The following ARPC1A variants were observed in gnomAD, a reference collection of about 807,000 sequenced individuals.
The protein encoded by ARPC1A is actin-related protein 2/3 complex subunit 1A.
In ARPC1A, 8 loss-of-function variants were observed where a neutral mutation model predicts 46.9. The ratio of observed to expected loss-of-function variants is 0.17; its 90% CI spans 0.10 to 0.31. ARPC1A has a LOEUF of 0.31. Ranked by LOEUF, ARPC1A falls within the 10% of genes least tolerant of loss-of-function variation. The pLI is 1.00. For missense variants in ARPC1A, 286 were observed against 483.6 expected (o/e 0.59, Z 3.83); for synonymous variants, 152 against 169.0 (o/e 0.90, Z 0.78).
chr7:99,330,372 T>C (rs1793126303), intron 1 of ARPC1A, among the ~76,000 whole-genome samples: 1 of 152,046 alleles, frequency 6.6e-6, no homozygotes, highest in Non-Finnish European at 1.5e-5. Flanking sequence ...TGCAGTGCAG[T>C]GGCACCATCT....
At chr7:99,354,538 A>C (rs1411295838) in intron 6 of ARPC1A, among the ~76,000 whole-genome samples, 7 of 151,510 alleles carry the variant, frequency 4.6e-5, no homozygotes, top group East Asian at 2.0e-4. Context: ...AAAAAAAAAA[A>C]AAAACACCTC....
intron 7 of ARPC1A, among the ~76,000 whole-genome samples, chr7:99,359,132 C>T (rs73395580): frequency 0.12 from 18,117 of 150,508 alleles, 1,501 homozygotes; most frequent in East Asian, 0.36. Flanking sequence ...TGCCCGGCCG[C>T]TCACTTTTAA....
chr7:99,351,341 G>T (rs1032230974), intron 5 of ARPC1A, among the ~76,000 whole-genome samples: 93 of 152,198 alleles, frequency 6.1e-4, no homozygotes, highest in Non-Finnish European at 2.1e-4. Flanking sequence ...AGCCTCCCAA[G>T]CAGCTGGGAT....
intron 1 of ARPC1A, among the ~76,000 whole-genome samples, chr7:99,329,570 T>G (rs1382083803): frequency 6.6e-6 from 1 of 152,234 alleles, no homozygotes; most frequent in African/African-American, 2.4e-5. Context: ...TTGACAAACA[T>G]GAGTGTTGTC....
intron 4 of ARPC1A, 33 bp downstream of exon 4, chr7:99,344,548 CTA>C (rs756664659): frequency 6.2e-7 from 1 of 1,603,628 alleles, no homozygotes; most frequent in South Asian, 1.1e-5. Flanking sequence ...CTATCCCTCT[CTA>C]TAGAATTTAC....
At chr7:99,336,638 C>A (rs2150861184) in intron 2 of ARPC1A, among the ~76,000 whole-genome samples, 2 of 151,972 alleles carry the variant, frequency 1.3e-5, no homozygotes, top group Admixed American at 1.3e-4. Context: ...GGACTACAGG[C>A]GCGTGCCACC....
intron 4 of ARPC1A, among the ~76,000 whole-genome samples, chr7:99,347,420 T>C (rs529077075): frequency 6.6e-6 from 1 of 152,290 alleles, no homozygotes; most frequent in Admixed American, 6.5e-5. Context: ...AAAGTGATTC[T>C]GTAGCCAGGC....
At chr7:99,333,128 C>T (rs1305144425) in intron 1 of ARPC1A, among the ~76,000 whole-genome samples, 197 bp from the exon 2 acceptor site, 1 of 152,170 alleles carries the variant, frequency 6.6e-6, no homozygotes, top group Non-Finnish European at 1.5e-5. Flanking sequence ...AACTCCTGAC[C>T]TTGTGATCCA....
At position 99,359,637 on chromosome 7, in the gene ARPC1A, A is replaced by G; in HGVS notation, c.882A>G (p.Gln294=). ...SKLDIPKQSI[Q]RNMSAMERFR... ...TAGATATTCCAAAACAGAGCATCCA[A>G]CGCAACATGTCTGCCATGGAACGCT... is the stretch of plus-strand genomic sequence containing the variant. The change falls in exon 8 of 10, where the codon CAA becomes CAG. Residue 294 remains glutamine, a synonymous_variant. Transcript: ENST00000262942. 1 of 1,614,106 alleles carries G rather than the reference A, an allele frequency of 6.2e-7. No homozygotes were observed.
chr7:99,328,141 C>T lies in ARPC1A; in HGVS notation c.-30+2137C>T, dbSNP rs1020911578. Among the ~76,000 whole-genome samples the T allele has an allele frequency of 9.2e-5, 14 of 152,142 alleles. 1 individual carries two copies. The highest frequency in any genetic ancestry group is 7.9e-4 in the Admixed American group (12 of 15,282). ...ATCCCAACACTTTGAGAGGCTGAGG[C>T]GGGTGGATCACCAAGGTCAGGAGTT... On this transcript the variant is annotated intron_variant, in intron 1 of 9. Transcript: ENST00000262942.
chr7:99,354,237 ATCAG>A, intron 6 of ARPC1A, 116 bp downstream of exon 6: 1 of 1,214,782 alleles, frequency 8.2e-7, no homozygotes, highest in Non-Finnish European at 1.1e-6. Flanking sequence ...AAAAACCTTA[ATCAG>A]GCCAGGCGTG....
intron 9 of ARPC1A, 21 bp from the exon 10 acceptor site, chr7:99,365,870 G>C: frequency 6.4e-7 from 1 of 1,566,612 alleles, no homozygotes; most frequent in Non-Finnish European, 8.7e-7. Context: ...TGACATCAGT[G>C]CTCTTCCCAC....
chr7:99,345,630 C>A (rs1793432038), intron 4 of ARPC1A, among the ~76,000 whole-genome samples: 1 of 151,884 alleles, frequency 6.6e-6, no homozygotes. Context: ...TGCACTCCAG[C>A]CTGGGCGGCA....
chr7:99,363,310 T>C (rs1415463696), intron 8 of ARPC1A, among the ~76,000 whole-genome samples: 1 of 152,198 alleles, frequency 6.6e-6, no homozygotes, highest in Non-Finnish European at 1.5e-5. Context: ...TGGAGCGTGG[T>C]GGCTTATGCC....
At position 99,357,428 on chromosome 7, in the gene ARPC1A, C is replaced by T. The variant is rs1793655723; in HGVS notation, c.714-912C>T. Among the ~76,000 whole-genome samples, 4 of 151,946 alleles carry T rather than the reference C, an allele frequency of 2.6e-5. No individual in the cohort carries two copies. The South Asian group carries it at 8.3e-4, about 32-fold the overall frequency. On this transcript the variant is annotated intron_variant, in intron 6 of 9. Transcript: ENST00000262942. ...CTGGAACTCCTGAGCTCAAGTTCTC[C>T]TCCCACCTCAGCCTCTCAAGCAGCT... is the stretch of plus-strand genomic sequence containing the variant.
Position 99,344,920 on chromosome 7 carries a change from C to CTTTTTTTTTTTTTT in ARPC1A, c.392+421_392+434dup, listed in dbSNP as rs1172071932. On this transcript the variant is annotated intron_variant, in intron 4 of 9. Transcript: ENST00000262942. ...TAGGATTCCTACAGATAACAATGTT[C>CTTTTTTTTTTTTTT]TTTTTTTTTTTTTTTTTTTTTTTTT... 1.4e-3 allele frequency among the ~76,000 whole-genome samples: 29 copies of CTTTTTTTTTTTTTT among 20,108 alleles called. 8 individuals carry two copies. Among genetic ancestry groups the CTTTTTTTTTTTTTT allele is most frequent in the African/African-American group, 5.2e-3 (24 of 4,574 alleles). The allele number at this position is 20,108 out of a possible 152,430, so 13.2% of individuals were successfully genotyped here.
intron 8 of ARPC1A, 178 bp from the exon 9 acceptor site, chr7:99,363,365 A>G (rs1013050670): frequency 1.4e-5 from 8 of 561,666 alleles, no homozygotes; most frequent in Admixed American, 3.7e-5. Context: ...GGATCACTTG[A>G]GCCCAGGAGT....
chr7:99,354,839 G>A (rs1168637559), intron 6 of ARPC1A, among the ~76,000 whole-genome samples: 11 of 152,078 alleles, frequency 7.2e-5, no homozygotes, highest in African/African-American at 2.2e-4. Context: ...AAAATTAGCC[G>A]CAGTGGCTCA....
At chr7:99,345,653 A>G (rs1049329467) in intron 4 of ARPC1A, among the ~76,000 whole-genome samples, 4 of 151,354 alleles carry the variant, frequency 2.6e-5, no homozygotes, top group Non-Finnish European at 4.4e-5. Flanking sequence ...GTGAGATTCT[A>G]TCTCAAAAAA....
Sources: gnomAD v4.1 joint callset for allele counts (sites outside exome capture counted in the v4.1 genomes callset) on GRCh38, gnomAD v4.1.1 for gene constraint, MANE v1.5 for transcripts, NCBI Gene and HGNC (gene_info 2026-07-23, HGNC 2026-07-21) for gene names.